Variants in WFDC1 observed in about 807,000 individuals in gnomAD.
The protein encoded by WFDC1 is WAP four-disulfide core domain 1.
In WFDC1, 39 loss-of-function variants were observed where a neutral mutation model predicts 32.9. The observed-to-expected ratio is 1.19, with a 90% CI of 0.92 to 1.55. The LOEUF (loss-of-function observed/expected upper bound fraction) is 1.55. WFDC1 is among the 40% of genes most tolerant of loss of function. The probability of loss-of-function intolerance (pLI) is 0.00; values close to 1 mark genes in which losing one functional copy is unlikely to be tolerated. For missense variants in WFDC1, 386 were observed against 309.5 expected (o/e 1.25, Z -1.85); for synonymous variants, 184 against 137.4 (o/e 1.34, Z -2.37).
At chr16:84,295,218 C>A (rs766874203) in intron 1 of WFDC1, 103 bp downstream of exon 1, 41 of 1,468,604 alleles carry the variant, frequency 2.8e-5, no homozygotes, top group Non-Finnish European at 2.7e-5. Context: ...AGTGCTCCCC[C>A]AAAACGTGGC....
chr16:84,327,871 A>G (rs3785054), intron 6 of WFDC1: 42,245 of 152,048 alleles, frequency 0.28, 5,939 homozygotes, highest in East Asian at 0.36. Context: ...AGGGTGGTAT[A>G]GTGAACAAAT....
chr16:84,315,598 G>T (rs1271027049), intron 2 of WFDC1, among the ~76,000 whole-genome samples: 1 of 152,222 alleles, frequency 6.6e-6, no homozygotes, highest in Non-Finnish European at 1.5e-5. Flanking sequence ...GGGATTGGTT[G>T]ATTCTACTTG....
intron 6 of WFDC1, chr16:84,327,669 G>A (rs567912812): frequency 6.6e-6 from 1 of 152,348 alleles, no homozygotes; most frequent in South Asian, 2.1e-4. Flanking sequence ...AGAAGCAGAA[G>A]CAATTCTGTA....
chr16:84,310,229 C>G (rs1907530984), intron 1 of WFDC1, among the ~76,000 whole-genome samples: 1 of 151,438 alleles, frequency 6.6e-6, no homozygotes. Flanking sequence ...TGGCCCTAAC[C>G]CTGGCCTGGG....
chr16:84,323,396 C>G (rs983508399), intron 4 of WFDC1, among the ~76,000 whole-genome samples: 2 of 152,226 alleles, frequency 1.3e-5, no homozygotes, highest in African/African-American at 4.8e-5. Flanking sequence ...TTGCCACATT[C>G]AAGCATCCAC....
At chr16:84,303,207 G>A (rs1907052636) in intron 1 of WFDC1, among the ~76,000 whole-genome samples, 1 of 152,014 alleles carries the variant, frequency 6.6e-6, no homozygotes, top group African/African-American at 2.4e-5. Context: ...AAATTCCAGA[G>A]GAAGAGCAAG....
At chr16:84,325,786 C>G (rs1296294956) in intron 5 of WFDC1, 1 of 152,130 alleles carries the variant, frequency 6.6e-6, no homozygotes, top group Non-Finnish European at 1.5e-5. Flanking sequence ...ATCCACCCTT[C>G]TATTCCTTTA....
At chr16:84,309,094 C>G (rs189295687) in intron 1 of WFDC1, among the ~76,000 whole-genome samples, 37 of 152,298 alleles carry the variant, frequency 2.4e-4, no homozygotes, top group Non-Finnish European at 5.1e-4. Flanking sequence ...GGAGCCCGCT[C>G]TGGTTGCCCG....
chr16:84,308,715 G>C (rs567550727), intron 1 of WFDC1, among the ~76,000 whole-genome samples: 1 of 152,100 alleles, frequency 6.6e-6, no homozygotes, highest in Admixed American at 6.5e-5. Context: ...ATGCCATCCT[G>C]AGTGTAGATG....
rs1456437701 is a variant in WFDC1 at position 84,329,572 on chromosome 16, C to T, written c.*266C>T. On this transcript the variant is annotated 3_prime_UTR_variant, in exon 7 of 7. Transcript: ENST00000219454. ...CCCTGCAGCTCCACGAGACCTTTACCCCGGGAAGAAGCCGCCACCCATGAA... is the reference window on the plus strand; with the variant it reads ...CCCTGCAGCTCCACGAGACCTTTACTCCGGGAAGAAGCCGCCACCCATGAA... The T allele has an allele frequency of 2.6e-5, 4 of 152,112 alleles. No homozygotes were observed. Among genetic ancestry groups the T allele is most frequent in the African/African-American group, 9.7e-5 (4 of 41,414 alleles). 9.4% of individuals were successfully genotyped at this position (152,112 alleles called of 1,614,324 possible).
Position 84,327,118 on chromosome 16 carries a change from C to A in WFDC1, c.*15+163C>A, listed in dbSNP as rs1025990032. The A allele has an allele frequency of 1.2e-5, 8 of 652,718 alleles. No homozygotes were observed. In the African/African-American group the frequency reaches 1.5e-4, roughly 12 times the overall value. 40.4% of individuals were successfully genotyped at this position (652,718 alleles called of 1,614,324 possible). A position where few individuals can be genotyped will look rare whatever the true frequency, so the allele number is the denominator to read the frequency against. ...GCAGTAAGTCCTCACCTAACGTCAT[C>A]AATAGGTTCTTGGAAACTGACTTTA... is the stretch of plus-strand genomic sequence containing the variant. On this transcript the variant is annotated intron_variant, in intron 6 of 6. Transcript: ENST00000219454.
intron 5 of WFDC1, among the ~76,000 whole-genome samples, chr16:84,325,027 C>G (rs1214544966): frequency 6.6e-6 from 1 of 151,962 alleles, no homozygotes; most frequent in African/African-American, 2.4e-5. Context: ...ATCCATCCAT[C>G]CACATATTCA....
At chr16:84,317,824 C>G in intron 2 of WFDC1, 1 of 177,624 alleles carries the variant, frequency 5.6e-6, no homozygotes, top group South Asian at 1.4e-4. Context: ...AGTGCAGAGA[C>G]AGACATTTGT....
intron 1 of WFDC1, among the ~76,000 whole-genome samples, chr16:84,304,628 T>C (rs16963349): frequency 0.071 from 10,779 of 152,250 alleles, 1,197 homozygotes; most frequent in African/African-American, 0.24. Flanking sequence ...ATAGACTTAC[T>C]GTACAATCCC....
intron 1 of WFDC1, among the ~76,000 whole-genome samples, chr16:84,297,946 G>A (rs573638460): frequency 6.6e-5 from 10 of 152,150 alleles, no homozygotes; most frequent in African/African-American, 2.4e-4. Flanking sequence ...CTCACCCTAC[G>A]CTGAGTGAGA....
At position 84,318,253 on chromosome 16, in the gene WFDC1, T is replaced by C. The variant is rs751007092; in HGVS notation, c.338-19T>C. The C allele has an allele frequency of 1.9e-6, 3 of 1,613,824 alleles. No homozygotes were observed. Among genetic ancestry groups the C allele is most frequent in the Non-Finnish European group, 1.7e-6 (2 of 1,179,726 alleles). On this transcript the variant is annotated intron_variant, in intron 2 of 6. Coordinates refer to ENST00000219454, the MANE Select transcript of WFDC1 (RefSeq NM_021197.4). The stretch of plus-strand genomic sequence containing the variant: ...CAGCTGCTTGAGGAGGGCCCTGATC[T>C]GACCCCGTATTGTGTTAGTCTTAGA...
At chr16:84,326,784 G>A in intron 5 of WFDC1, 98 bp from the exon 6 acceptor site, 1 of 1,469,064 alleles carries the variant, frequency 6.8e-7, no homozygotes, top group Non-Finnish European at 9.5e-7. Context: ...GAGAGGGCCA[G>A]GTCACCAGGC....
At chr16:84,308,081 G>C (rs1907372205) in intron 1 of WFDC1, among the ~76,000 whole-genome samples, 1 of 152,230 alleles carries the variant, frequency 6.6e-6, no homozygotes, top group African/African-American at 2.4e-5. Context: ...ATGTTTACAA[G>C]AGTAAAAAGA....
At chr16:84,319,050 A>C in intron 3 of WFDC1, 1 of 277,098 alleles carries the variant, frequency 3.6e-6, no homozygotes, top group Non-Finnish European at 6.9e-6. Flanking sequence ...ATGCGTGCGT[A>C]TATGTCTGTG....
Sources: allele counts gnomAD v4.1 joint callset (sites outside exome capture counted in the v4.1 genomes callset), GRCh38; gene constraint gnomAD v4.1.1; transcripts MANE v1.5; gene names NCBI Gene and HGNC (gene_info 2026-07-23, HGNC 2026-07-21).